The following LRRC20 variants were observed in gnomAD, a reference collection of about 807,000 sequenced individuals.
The protein encoded by LRRC20 is leucine-rich repeat-containing protein 20.
In LRRC20, 11 loss-of-function variants were observed where a neutral mutation model predicts 14.4. The observed-to-expected ratio is 0.77, with a 90% CI of 0.48 to 1.27. The LOEUF is 1.27. Ranked by LOEUF, LRRC20 falls within the 50% of genes most tolerant of loss-of-function variation. The probability of loss-of-function intolerance (pLI) is 0.00; values close to 1 mark genes in which losing one functional copy is unlikely to be tolerated. For synonymous variants in LRRC20, 121 were observed against 107.3 expected, an observed-to-expected ratio of 1.13 and a Z score of -0.79; for missense variants, 219 against 251.2, an observed-to-expected ratio of 0.87 and a Z score of 0.87.
chr10:70,332,127 C>A (rs1209976961), intron 3 of LRRC20, among the ~76,000 whole-genome samples: 1 of 152,216 alleles, frequency 6.6e-6, no homozygotes, highest in Admixed American at 6.5e-5. Flanking sequence ...GACTCCCCAG[C>A]AGGGCAGAGT....
Position 70,301,125 on chromosome 10 carries a change from TGAGTGCC to T in LRRC20, c.*222_*228del, listed in dbSNP as rs1841161696. 4 of 1,349,032 alleles carry T rather than the reference TGAGTGCC, an allele frequency of 3.0e-6. No homozygotes were observed. The highest frequency in any genetic ancestry group is 3.8e-6 in the Non-Finnish European group (4 of 1,053,106). 83.6% of individuals were successfully genotyped at this position (1,349,032 alleles called of 1,614,324 possible). A position where few individuals can be genotyped will look rare whatever the true frequency, so the allele number is the denominator to read the frequency against. ...TCTGCCTGAGTTTGCACAGCAGCTG[TGAGTGCC>T]GAGTCCAGGCTGCAGGCCCCACCTT... is the stretch of plus-strand genomic sequence containing the variant. On this transcript the variant is annotated 3_prime_UTR_variant, in exon 5 of 5. Transcript: ENST00000446961.
chr10:70,368,150 ATTTTTGC>A (rs1844103306), intron 2 of LRRC20, among the ~76,000 whole-genome samples: 1 of 102,888 alleles, frequency 9.7e-6, no homozygotes, highest in African/African-American at 3.7e-5. Context: ...TGCCTGGCTA[ATTTTTGC>A]TTTTTTTTTT....
chr10:70,363,881 A>G (rs1843858452), intron 2 of LRRC20, among the ~76,000 whole-genome samples: 1 of 152,194 alleles, frequency 6.6e-6, no homozygotes, highest in Non-Finnish European at 1.5e-5. Context: ...GAGTTGGGAA[A>G]GGTCTGTCTC....
At chr10:70,374,441 C>A (rs1844430137) in intron 2 of LRRC20, among the ~76,000 whole-genome samples, 1 of 151,846 alleles carries the variant, frequency 6.6e-6, no homozygotes, top group Non-Finnish European at 1.5e-5. Flanking sequence ...ACCTCCATCT[C>A]CTGGGTTCAG....
chr10:70,355,715 C>T (rs938399248), intron 2 of LRRC20, among the ~76,000 whole-genome samples: 3 of 152,166 alleles, frequency 2.0e-5, no homozygotes, highest in Admixed American at 6.5e-5. Context: ...AGGAACATCC[C>T]CAACATGCAG....
intron 2 of LRRC20, among the ~76,000 whole-genome samples, chr10:70,360,979 G>A (rs114990581): frequency 0.01 from 1,569 of 151,806 alleles, 22 homozygotes; most frequent in South Asian, 0.056. Context: ...GAGCCTAGAC[G>A]GTTGAGGCTG....
At chr10:70,363,824 A>G in intron 2 of LRRC20, among the ~76,000 whole-genome samples, 1 of 67,976 alleles carries the variant, frequency 1.5e-5, no homozygotes, top group East Asian at 4.7e-4. Flanking sequence ...CATGCTAGGC[A>G]GAAGGCTCCA....
chr10:70,340,451 C>T (rs970907289), intron 3 of LRRC20, 102 bp downstream of exon 3: 14 of 1,381,900 alleles, frequency 1.0e-5, no homozygotes, highest in Admixed American at 1.9e-5. Flanking sequence ...TCATGGGTGT[C>T]GCTGACCAGG....
chr10:70,335,409 G>A (rs958471002), intron 3 of LRRC20, among the ~76,000 whole-genome samples: 1 of 152,198 alleles, frequency 6.6e-6, no homozygotes, highest in Non-Finnish European at 1.5e-5. Context: ...CCCACACACA[G>A]CTGCTCCCGA....
At chr10:70,303,285 A>G (rs547618060) in intron 4 of LRRC20, among the ~76,000 whole-genome samples, 1 of 152,296 alleles carries the variant, frequency 6.6e-6, no homozygotes, top group South Asian at 2.1e-4. Flanking sequence ...CTGCTCCATC[A>G]TACCCCTAAA....
intron 1 of LRRC20, among the ~76,000 whole-genome samples, chr10:70,380,820 G>T (rs1293263607): frequency 6.6e-6 from 1 of 152,206 alleles, no homozygotes; most frequent in East Asian, 1.9e-4. Flanking sequence ...CTTCCATAAG[G>T]CCCCCACTGT....
intron 2 of LRRC20, among the ~76,000 whole-genome samples, chr10:70,370,119 T>C (rs2137148692): frequency 6.6e-6 from 1 of 152,322 alleles, no homozygotes; most frequent in East Asian, 1.9e-4. Context: ...GGGCACTGAA[T>C]TGTTAAAAAA....
At chr10:70,334,908 C>T (rs908155947) in intron 3 of LRRC20, among the ~76,000 whole-genome samples, 7 of 152,176 alleles carry the variant, frequency 4.6e-5, no homozygotes, top group African/African-American at 1.7e-4. Flanking sequence ...CCCATTTTCT[C>T]TGGCAGGCAC....
rs1480942200 is a variant in LRRC20, at chr10:70,340,708, G to A, written c.83-6C>T. ...CAGCTTGCACTCGGCCAGGTCTGCAGCCAAAGAACAAAAACAAACCAGAGT... is the reference window on the plus strand; with the variant it reads ...CAGCTTGCACTCGGCCAGGTCTGCAACCAAAGAACAAAAACAAACCAGAGT... On this transcript the variant is annotated splice_region_variant and splice_polypyrimidine_tract_variant and intron_variant, in intron 2 of 4. Coordinates refer to ENST00000446961, the MANE Select transcript of LRRC20 (RefSeq NM_001278212.2). 1.2e-6 allele frequency: 2 copies of A among 1,614,062 alleles called. 1 individual carries two copies. The highest frequency in any genetic ancestry group is 2.2e-5 in the South Asian group (2 of 91,082).
At chr10:70,364,599 A>ACACCCAGCAACAGCT (rs146266242) in intron 2 of LRRC20, among the ~76,000 whole-genome samples, 5,620 of 152,222 alleles carry the variant, frequency 0.037, 160 homozygotes, top group East Asian at 0.054. Context: ...CTTGGTCAGA[A>ACACCCAGCAACAGCT]CACCCAGCAA....
chr10:70,308,726 C>G (rs1011583656), intron 4 of LRRC20, among the ~76,000 whole-genome samples: 12 of 152,100 alleles, frequency 7.9e-5, no homozygotes, highest in African/African-American at 2.9e-4. Flanking sequence ...CAAATGGAGG[C>G]TCAGACAGGA....
intron 2 of LRRC20, among the ~76,000 whole-genome samples, chr10:70,340,956 C>T (rs1012352109): frequency 6.6e-6 from 1 of 152,184 alleles, no homozygotes; most frequent in African/African-American, 2.4e-5. Context: ...TTACCACAGC[C>T]TACTAGCCAG....
chr10:70,339,371 G>A (rs1842827483), intron 3 of LRRC20, among the ~76,000 whole-genome samples: 1 of 152,178 alleles, frequency 6.6e-6, no homozygotes, highest in Admixed American at 6.5e-5. Context: ...AAGGTGCAAG[G>A]GAGAGACAGG....
At chr10:70,314,615 G>C (rs1015264856) in intron 4 of LRRC20, among the ~76,000 whole-genome samples, 1 of 151,682 alleles carries the variant, frequency 6.6e-6, no homozygotes, top group African/African-American at 2.4e-5. Context: ...ATTGGCATAG[G>C]GTGTGGTCAG....
Sources: gnomAD v4.1 joint callset for allele counts (sites outside exome capture counted in the v4.1 genomes callset) on GRCh38, gnomAD v4.1.1 for gene constraint, MANE v1.5 for transcripts, NCBI Gene and HGNC (gene_info 2026-07-23, HGNC 2026-07-21) for gene names.